Variants in SLC45A2 observed in about 807,000 individuals in gnomAD.
SLC45A2 encodes the protein solute carrier family 45 member 2.
A neutral mutation model predicts 45.5 loss-of-function variants in SLC45A2; 36 were observed. The ratio of observed to expected loss-of-function variants is 0.79; its 90% CI spans 0.61 to 1.04. SLC45A2 has a LOEUF of 1.04. Ranked by LOEUF, SLC45A2 falls within the 50% of genes least tolerant of loss-of-function variation. The pLI, the probability that SLC45A2 is intolerant of heterozygous loss-of-function variation, is 0.00. For synonymous variants in SLC45A2, 306 were observed against 269.3 expected (o/e 1.14, Z -1.33); for missense variants, 719 against 671.0 (o/e 1.07, Z -0.79).
chr5:33,947,187 C>A lies in SLC45A2; in HGVS notation c.1344G>T (p.Glu448Asp), dbSNP rs1220241839. The change falls in exon 6 of 7, where the codon GAG (glutamate) becomes GAT (aspartate). Residue 448 changes from glutamate to aspartate, a missense_variant. Physicochemically the swap from Glu to Asp is conservative, Grantham distance 45. Coordinates refer to ENST00000296589, the MANE Select transcript of SLC45A2 (RefSeq NM_016180.5). ...LYTVPFNLIT[E>D]YHREEEKERQ... ...CCTCCTTTTCTTCCTCGCGGTGGTA[C>A]TCAGTAATGAGGTTAAAGGGCACAG... The A allele has an allele frequency of 6.2e-7, 1 of 1,614,074 alleles. No homozygotes were observed. The highest frequency in any genetic ancestry group is 8.5e-7 in the Non-Finnish European group (1 of 1,180,048).
intron 5 of SLC45A2, among the ~76,000 whole-genome samples, chr5:33,950,236 G>A (rs1752060007): frequency 6.6e-6 from 1 of 151,912 alleles, no homozygotes. Flanking sequence ...GTGGTAAATA[G>A]TCCCCTCAGC....
chr5:33,949,842 AG>A (rs1187311544), intron 5 of SLC45A2, among the ~76,000 whole-genome samples: 1 of 152,016 alleles, frequency 6.6e-6, no homozygotes, highest in Non-Finnish European at 1.5e-5. Context: ...GTTATCTAGT[AG>A]GAGTTCCCTG....
chr5:33,973,170 G>C (rs1752834336), intron 2 of SLC45A2, among the ~76,000 whole-genome samples: 1 of 152,216 alleles, frequency 6.6e-6, no homozygotes, highest in Non-Finnish European at 1.5e-5. Context: ...CTTTCGAGCA[G>C]AGGAAACAGG....
rs115630314 is a variant in SLC45A2 at position 33,948,014 on chromosome 5, T to C, written c.1157-640A>G. Among the ~76,000 whole-genome samples, 895 of 152,318 alleles carry C rather than the reference T, an allele frequency of 5.9e-3. 9 individuals carry two copies. Among genetic ancestry groups the C allele is most frequent in the African/African-American group, 0.021 (866 of 41,564 alleles). ...CTCCTCATCGCTGGCTCCCTAACTC[T>C]TGGTAAACAAGTTCCTTGACTTCTC... On this transcript the variant is annotated intron_variant, in intron 5 of 6. Coordinates refer to ENST00000296589, the MANE Select transcript of SLC45A2 (RefSeq NM_016180.5).
intron 2 of SLC45A2, among the ~76,000 whole-genome samples, chr5:33,978,231 A>T (rs1470977059): frequency 1.3e-5 from 2 of 152,298 alleles, no homozygotes; most frequent in East Asian, 3.9e-4. Flanking sequence ...GCCATACAAA[A>T]CACTCTTCAT....
chr5:33,966,953 T>A (rs370044323), intron 2 of SLC45A2, among the ~76,000 whole-genome samples: 1 of 152,204 alleles, frequency 6.6e-6, no homozygotes, highest in East Asian at 1.9e-4. Flanking sequence ...TCTTGGGCAC[T>A]TCTCTGAGAA....
intron 3 of SLC45A2, 127 bp from the exon 4 acceptor site, chr5:33,954,631 G>T: frequency 7.5e-7 from 1 of 1,334,172 alleles, no homozygotes; most frequent in Non-Finnish European, 1.0e-6. Flanking sequence ...ACTTTTCCTG[G>T]ACATGGAACT....
intron 3 of SLC45A2, among the ~76,000 whole-genome samples, chr5:33,962,820 G>T (rs140285148): frequency 8.1e-4 from 123 of 152,358 alleles, no homozygotes; most frequent in African/African-American, 2.9e-3. Flanking sequence ...CAAGTCAGCA[G>T]CTAGAGGAAC....
At position 33,975,178 on chromosome 5, in the gene SLC45A2, G is replaced by A. The variant is rs374442756; in HGVS notation, c.562+7058C>T. ...CACGGGAGACAGTCGGCTGAGGTTC[G>A]GGGTTCAGTGCTGGTCATGAGACAA... On this transcript the variant is annotated intron_variant, in intron 2 of 6. Transcript: ENST00000296589. 7.9e-5 allele frequency among the ~76,000 whole-genome samples: 12 copies of A among 152,322 alleles called. 1 individual carries two copies. Among genetic ancestry groups the A allele is most frequent in the South Asian group, 4.1e-4 (2 of 4,824 alleles).
At chr5:33,969,757 G>C (rs555541911) in intron 2 of SLC45A2, among the ~76,000 whole-genome samples, 1 of 152,270 alleles carries the variant, frequency 6.6e-6, no homozygotes, top group South Asian at 2.1e-4. Context: ...GCTAGAGTTG[G>C]AGGGTGGGAA....
In SLC45A2 at chr5:33,944,627, GGTCATT is replaced by G. The variant is rs1177952585; in HGVS notation, c.*15_*20del. On this transcript the variant is annotated 3_prime_UTR_variant, in exon 7 of 7. Coordinates refer to ENST00000296589, the MANE Select transcript of SLC45A2 (RefSeq NM_016180.5). The stretch of plus-strand genomic sequence containing the variant: ...TGTGCTTCACTGTCTCTGAGGTTAG[GGTCATT>G]GTCTCTTTATTGACCTAATCCACAT... 1 of 1,611,218 alleles carries G rather than the reference GGTCATT, an allele frequency of 6.2e-7. No homozygotes were observed. The highest frequency in any genetic ancestry group is 8.5e-7 in the Non-Finnish European group (1 of 1,177,722).
rs116431968 is a variant in SLC45A2 at position 33,979,345 on chromosome 5, G to C, written c.562+2891C>G. Among the ~76,000 whole-genome samples the C allele has an allele frequency of 8.5e-3, 1,300 of 152,292 alleles. 10 individuals carry two copies. Among genetic ancestry groups the C allele is most frequent in the Middle Eastern group, 0.058 (17 of 294 alleles). On this transcript the variant is annotated intron_variant, in intron 2 of 6. Coordinates refer to ENST00000296589, the MANE Select transcript of SLC45A2 (RefSeq NM_016180.5). ...AGACTTGGAAGCAATAGAAGAGAGCGTCTGGGTTAAAATAAGGGGTTGTGG... is the reference window on the plus strand; with the variant it reads ...AGACTTGGAAGCAATAGAAGAGAGCCTCTGGGTTAAAATAAGGGGTTGTGG...
chr5:33,967,459 T>C (rs1009004556), intron 2 of SLC45A2, among the ~76,000 whole-genome samples: 3 of 152,176 alleles, frequency 2.0e-5, no homozygotes, highest in Non-Finnish European at 4.4e-5. Flanking sequence ...CTGCATTTCT[T>C]TCAAGCTCAC....
chr5:33,955,382 A>C (rs1403618047), intron 3 of SLC45A2, among the ~76,000 whole-genome samples: 1 of 152,238 alleles, frequency 6.6e-6, no homozygotes, highest in Non-Finnish European at 1.5e-5. Context: ...GACCCTGTGC[A>C]GAAAACCTAG....
chr5:33,953,437 G>T (rs1345539672), intron 4 of SLC45A2, among the ~76,000 whole-genome samples: 5 of 151,120 alleles, frequency 3.3e-5, no homozygotes, highest in Non-Finnish European at 7.4e-5. Context: ...GCATTTCTCT[G>T]ATGGCCAGTG....
At chr5:33,980,831 T>G (rs532843194) in intron 2 of SLC45A2, among the ~76,000 whole-genome samples, 3 of 152,184 alleles carry the variant, frequency 2.0e-5, no homozygotes, top group Admixed American at 6.5e-5. Context: ...GGTCATACTA[T>G]GCCAGGTACG....
At chr5:33,973,599 G>C (rs943374662) in intron 2 of SLC45A2, among the ~76,000 whole-genome samples, 3 of 152,102 alleles carry the variant, frequency 2.0e-5, no homozygotes, top group Non-Finnish European at 4.4e-5. Flanking sequence ...TTGCTATTTA[G>C]AGCATTTGTT....
At chr5:33,978,327 C>A (rs968327390) in intron 2 of SLC45A2, among the ~76,000 whole-genome samples, 20 of 152,178 alleles carry the variant, frequency 1.3e-4, no homozygotes, top group Admixed American at 9.8e-4. Flanking sequence ...ATGCATTTTA[C>A]CCAAAATATA....
Position 33,982,310 on chromosome 5 carries a change from A to G in SLC45A2, c.488T>C (p.Ile163Thr). 2 of 1,614,148 alleles carry G rather than the reference A, an allele frequency of 1.2e-6. No individual in the cohort carries two copies. Among genetic ancestry groups the G allele is most frequent in the Non-Finnish European group, 1.7e-6 (2 of 1,180,038 alleles). ...DFAADFIDGP[I>T]KAYLFDVCSH... ...GCAGACATCAAATAAGTAGGCTTTG[A>G]TGGGCCCATCAATGAAGTCGGCAGC... The change falls in exon 2 of 7, where the codon ATC becomes ACC. Residue 163 changes from isoleucine (I) to threonine (T), a missense_variant. By Grantham distance (89) the Ile-to-Thr change is moderately conservative. Transcript: ENST00000296589.
Sources: allele counts gnomAD v4.1 joint callset (sites outside exome capture counted in the v4.1 genomes callset), GRCh38; gene constraint gnomAD v4.1.1; transcripts MANE v1.5; gene names NCBI Gene and HGNC (gene_info 2026-07-23, HGNC 2026-07-21).